ADCY10: variants seen among roughly 807,000 people sequenced by gnomAD.
ADCY10 encodes the protein adenylate cyclase 10.
In ADCY10, 156 loss-of-function variants were observed where a neutral mutation model predicts 183.3. The observed-to-expected ratio is 0.85, with a 90% confidence interval of 0.75 to 0.97. ADCY10 has a LOEUF of 0.97. Among genes scored for constraint, ADCY10 ranks in the 50% least tolerant of loss-of-function variants. The pLI, the probability that ADCY10 is intolerant of heterozygous loss-of-function variation, is 0.00. For synonymous variants in ADCY10, 645 were observed against 670.0 expected (o/e 0.96, Z 0.58); for missense variants, 1,745 against 1,934.3 (o/e 0.90, Z 1.84).
At chr1:167,832,053 C>A (rs546978076) in intron 25 of ADCY10, among the ~76,000 whole-genome samples, 13 of 152,216 alleles carry the variant, frequency 8.5e-5, no homozygotes, top group African/African-American at 2.9e-4. Flanking sequence ...TTTAAAGGAA[C>A]ATGTTTGGAA....
intron 1 of ADCY10, among the ~76,000 whole-genome samples, chr1:167,912,373 CT>C (rs543569523): frequency 2.6e-5 from 4 of 152,224 alleles, no homozygotes; most frequent in Non-Finnish European, 5.9e-5. Context: ...CGGAGGCCTT[CT>C]TTCCCTTGCC....
chr1:167,866,283 G>A (rs203808), intron 14 of ADCY10, among the ~76,000 whole-genome samples: 8,984 of 152,190 alleles, frequency 0.059, 822 homozygotes, highest in African/African-American at 0.2. Flanking sequence ...TAGGTCTTTC[G>A]ACTCTCACGT....
intron 26 of ADCY10, among the ~76,000 whole-genome samples, chr1:167,827,634 A>G (rs748398693): frequency 3.3e-5 from 5 of 152,000 alleles, no homozygotes; most frequent in Non-Finnish European, 5.9e-5. Flanking sequence ...TGGGAGCCCT[A>G]GGGATCCGTG....
intron 3 of ADCY10, 39 bp from the exon 4 acceptor site, chr1:167,902,093 C>T (rs1240914148): frequency 6.3e-7 from 1 of 1,580,068 alleles, no homozygotes; most frequent in Non-Finnish European, 8.7e-7. Flanking sequence ...ACCCTGATTC[C>T]TTAAAGGTAG....
intron 8 of ADCY10, among the ~76,000 whole-genome samples, chr1:167,884,694 A>ATTTTTT (rs71100911): frequency 2.8e-5 from 3 of 108,628 alleles, no homozygotes; most frequent in African/African-American, 3.7e-5. Flanking sequence ...AATCATTTTA[A>ATTTTTT]TTTTTTTTTT....
intron 14 of ADCY10, among the ~76,000 whole-genome samples, chr1:167,869,213 T>C (rs1666911149): frequency 6.6e-6 from 1 of 152,206 alleles, no homozygotes; most frequent in South Asian, 2.1e-4. Flanking sequence ...ATAGGAGTTA[T>C]AATAGTAATA....
intron 14 of ADCY10, among the ~76,000 whole-genome samples, chr1:167,863,823 G>A (rs1177337835): frequency 6.6e-6 from 1 of 152,338 alleles, no homozygotes; most frequent in South Asian, 2.1e-4. Context: ...CTTGGAGTCC[G>A]GACAACTAAA....
rs1232446554 is a variant in ADCY10 at position 167,859,924 on chromosome 1, T to C, written c.1810-31A>G. On this transcript the variant is annotated intron_variant, in intron 15 of 32. Coordinates refer to ENST00000367851, the MANE Select transcript of ADCY10 (RefSeq NM_018417.6). ...CAAAGAATTATGAGAATATTGAGTA[T>C]GGGAAAATAGCAAAGGGAACTACTG... 3.3e-6 allele frequency: 5 copies of C among 1,520,894 alleles called. No individual in the cohort carries two copies. In the African/African-American group the frequency reaches 5.5e-5, roughly 17 times the overall value. The allele number at this position is 1,520,894 out of a possible 1,614,324, so 94.2% of individuals were successfully genotyped here.
intron 24 of ADCY10, among the ~76,000 whole-genome samples, 175 bp downstream of exon 24, chr1:167,833,795 C>T (rs939340701): frequency 6.7e-6 from 1 of 150,190 alleles, no homozygotes; most frequent in Admixed American, 6.6e-5. Flanking sequence ...GAAGATCTTG[C>T]TGGTAAGCCA....
chr1:167,901,323 A>G (rs1669404690), intron 5 of ADCY10, among the ~76,000 whole-genome samples: 1 of 152,090 alleles, frequency 6.6e-6, no homozygotes, highest in African/African-American at 2.4e-5. Context: ...ATTTTGTTTT[A>G]TACTGCACAA....
intron 6 of ADCY10, 104 bp downstream of exon 6, chr1:167,899,319 C>T: frequency 8.5e-7 from 1 of 1,173,618 alleles, no homozygotes; most frequent in Non-Finnish European, 1.3e-6. Context: ...TCCCAATCTC[C>T]AGCCCAGGAG....
intron 31 of ADCY10, among the ~76,000 whole-genome samples, chr1:167,816,039 AG>A (rs147549303): frequency 0.012 from 1,832 of 151,726 alleles, 16 homozygotes; most frequent in Non-Finnish European, 0.017. Flanking sequence ...TAAGTACAAA[AG>A]GTATACTAGA....
intron 13 of ADCY10, 36 bp from the exon 14 acceptor site, chr1:167,870,446 T>C: frequency 2.6e-6 from 4 of 1,547,506 alleles, no homozygotes; most frequent in Non-Finnish European, 3.5e-6. Flanking sequence ...GCAAACTCAA[T>C]CAACGTAAAA....
At chr1:167,861,953 T>C (rs203803) in intron 14 of ADCY10, among the ~76,000 whole-genome samples, 48,866 of 152,150 alleles carry the variant, frequency 0.32, 7,986 homozygotes, top group African/African-American at 0.38. Context: ...ATGTAAGACA[T>C]GCCTTGCTTC....
rs149619660 is a variant in ADCY10, at chr1:167,815,338, C to T, written c.4482+2734G>A. ...ACTCCGTTTTTCTAAACAAGGTGTG[C>T]CCTCAGGAGAAACTATGTAACCAGA... is the stretch of plus-strand genomic sequence containing the variant. On this transcript the variant is annotated intron_variant, in intron 31 of 32. Transcript: ENST00000367851. Among the ~76,000 whole-genome samples, 689 of 152,208 alleles carry T rather than the reference C, an allele frequency of 4.5e-3. 5 individuals are homozygous for T. The highest frequency in any genetic ancestry group is 0.015 in the African/African-American group (636 of 41,524).
Position 167,846,116 on chromosome 1 carries a change from G to A in ADCY10, c.2585C>T (p.Ala862Val), listed in dbSNP as rs769970851. 29 of 1,614,050 alleles carry A rather than the reference G, an allele frequency of 1.8e-5. No homozygotes were observed. The highest frequency in any genetic ancestry group is 2.4e-5 in the Non-Finnish European group (28 of 1,180,018). The change falls in exon 20 of 33, where the codon GCA becomes GTA. Residue 862 changes from alanine (A) to valine (V), a missense_variant. By Grantham distance (64) the Ala-to-Val change is moderately conservative. Coordinates refer to ENST00000367851, the MANE Select transcript of ADCY10 (RefSeq NM_018417.6). The stretch of plus-strand genomic sequence containing the variant: ...AAAAATGTTAGATTCCACTAGGGTT[G>A]CCAGGGTCTTGATCATCATCTTCAT... ...WNMKMMIKTL[A>V]TLVESNIFYC...
In ADCY10 at chr1:167,845,773, T is replaced by C. The variant is rs111468176; in HGVS notation, c.2797A>G (p.Met933Val). ...CACAGCTCGTAGGCTGTTTTCTGCATCATAGGGTTACAGAATCGAATCCTG... is the reference window on the plus strand; with the variant it reads ...CACAGCTCGTAGGCTGTTTTCTGCACCATAGGGTTACAGAATCGAATCCTG... Reference protein sequence around the residue: ...CHRIRFCNPMMQKTAYELWLK... With the variant: ...CHRIRFCNPMVQKTAYELWLK... The change falls in exon 21 of 33, where the codon ATG becomes GTG. Residue 933 changes from methionine (M) to valine (V), a missense_variant. Transcript: ENST00000367851. 2 of 1,614,246 alleles carry C rather than the reference T, an allele frequency of 1.2e-6. No individual in the cohort carries two copies. Among genetic ancestry groups the C allele is most frequent in the East Asian group, 2.2e-5 (1 of 44,888 alleles).
chr1:167,862,082 A>C (rs1166924802), intron 14 of ADCY10, among the ~76,000 whole-genome samples: 2 of 152,180 alleles, frequency 1.3e-5, no homozygotes, highest in Non-Finnish European at 2.9e-5. Context: ...TCTTTATAGC[A>C]GCGTGAAAAC....
At chr1:167,811,908 C>A (rs2101824822) in intron 31 of ADCY10, among the ~76,000 whole-genome samples, 1 of 152,314 alleles carries the variant, frequency 6.6e-6, no homozygotes, top group Non-Finnish European at 1.5e-5. Flanking sequence ...CTGGCAGAAT[C>A]TGTCAGAATG....
Sources: allele counts gnomAD v4.1 joint callset (sites outside exome capture counted in the v4.1 genomes callset), GRCh38; gene constraint gnomAD v4.1.1; transcripts MANE v1.5; gene names NCBI Gene and HGNC (gene_info 2026-07-23, HGNC 2026-07-21).